COL14A1: variants seen among roughly 807,000 people sequenced by gnomAD.
The protein encoded by COL14A1 is collagen type XIV alpha 1 chain, also known as collagen alpha-1(XIV) chain.
A neutral mutation model predicts 230.3 loss-of-function variants in COL14A1; 136 were observed. The ratio of observed to expected loss-of-function variants is 0.59; its 90% CI spans 0.51 to 0.68. COL14A1 has a LOEUF of 0.68. Ranked by LOEUF, COL14A1 falls within the 30% of genes least tolerant of loss-of-function variation. The pLI, the probability that COL14A1 is intolerant of heterozygous loss-of-function variation, is 0.00. For synonymous variants in COL14A1, 792 were observed against 784.1 expected, an observed-to-expected ratio of 1.01 and a Z score of -0.17; for missense variants, 1,976 against 2,215.8, an observed-to-expected ratio of 0.89 and a Z score of 2.17.
intron 4 of COL14A1, among the ~76,000 whole-genome samples, chr8:120,167,114 A>G (rs1263888308): frequency 6.6e-6 from 1 of 152,006 alleles, no homozygotes; most frequent in African/African-American, 2.4e-5. Context: ...GCAGAAAGCC[A>G]AGGAAGGTTT....
intron 1 of COL14A1, among the ~76,000 whole-genome samples, chr8:120,138,711 A>G (rs1356657365): frequency 6.6e-6 from 1 of 152,158 alleles, no homozygotes; most frequent in African/African-American, 2.4e-5. Flanking sequence ...TAATCTTGAA[A>G]ATCCTTTTAT....
intron 47 of COL14A1, chr8:120,370,628 A>T (rs1411031510): frequency 6.9e-7 from 1 of 1,454,028 alleles, no homozygotes; most frequent in East Asian, 2.7e-5. Context: ...GTCAGCCTGG[A>T]TAGAGGTATA....
At position 120,196,736 on chromosome 8, in the gene COL14A1, T is replaced by C. The variant is rs1817050289; in HGVS notation, c.437-55T>C. 1.6e-5 allele frequency: 25 copies of C among 1,572,974 alleles called. 1 individual carries two copies. The South Asian group carries it at 2.8e-4, about 18-fold the overall frequency. ...GTCTAAAAGACATTAAGATGGACTG[T>C]TTTTGAAGTTGCTCTGACAGTAACA... is the stretch of plus-strand genomic sequence containing the variant. On this transcript the variant is annotated intron_variant, in intron 5 of 47. Coordinates refer to ENST00000297848, the MANE Select transcript of COL14A1 (RefSeq NM_021110.4).
intron 44 of COL14A1, among the ~76,000 whole-genome samples, chr8:120,344,410 G>A (rs1340386770): frequency 2.6e-5 from 4 of 152,218 alleles, no homozygotes; most frequent in Non-Finnish European, 2.9e-5. Flanking sequence ...GGGAAATTAT[G>A]CAAGGCCAAA....
At chr8:120,287,216 A>T (rs75371626) in intron 33 of COL14A1, among the ~76,000 whole-genome samples, 1,539 of 139,822 alleles carry the variant, frequency 0.011, 7 homozygotes, top group Non-Finnish European at 0.016. Context: ...AACAGTTGCT[A>T]AAAAAAAAAA....
At chr8:120,160,532 T>C (rs1815629266) in intron 3 of COL14A1, among the ~76,000 whole-genome samples, 1 of 152,200 alleles carries the variant, frequency 6.6e-6, no homozygotes, top group African/African-American at 2.4e-5. Flanking sequence ...TGTCTAGTTC[T>C]TGCTTAGACA....
In COL14A1 at chr8:120,345,308, C is replaced by T. The variant is rs879144194; in HGVS notation, c.4889-67C>T. ...AATTGTTTGCAGCCTTAACAAATGACACCCCTGGTCCTCTCTTTCCTTGTG... is the reference window on the plus strand; with the variant it reads ...AATTGTTTGCAGCCTTAACAAATGATACCCCTGGTCCTCTCTTTCCTTGTG... On this transcript the variant is annotated intron_variant, in intron 44 of 47. Transcript: ENST00000297848. 40 of 1,413,478 alleles carry T rather than the reference C, an allele frequency of 2.8e-5. No homozygotes were observed. In the South Asian group the frequency reaches 5.6e-4, roughly 20 times the overall value. 87.6% of individuals were successfully genotyped at this position (1,413,478 alleles called of 1,614,324 possible).
intron 44 of COL14A1, 103 bp downstream of exon 44, chr8:120,342,549 T>C: frequency 2.7e-6 from 3 of 1,104,250 alleles, no homozygotes; most frequent in East Asian, 4.9e-5. Flanking sequence ...CTCTAAAGCA[T>C]TGTCTTTGTG....
At chr8:120,292,946 A>G (rs917056628) in intron 34 of COL14A1, among the ~76,000 whole-genome samples, 2 of 152,098 alleles carry the variant, frequency 1.3e-5, no homozygotes, top group Non-Finnish European at 2.9e-5. Flanking sequence ...GCAAGATTGT[A>G]TAGGCAGTAA....
chr8:120,370,800 C>T (rs758727453), intron 47 of COL14A1: 1 of 1,377,534 alleles, frequency 7.3e-7, no homozygotes. Context: ...CACCTCCCCT[C>T]CCTGCTCTTC....
chr8:120,207,885 T>G (rs576492081), intron 10 of COL14A1, among the ~76,000 whole-genome samples: 53 of 152,276 alleles, frequency 3.5e-4, no homozygotes, highest in African/African-American at 1.2e-3. Context: ...GATTCTTTTA[T>G]TTTTCATGAC....
At chr8:120,263,565 T>C (rs1440594800) in intron 24 of COL14A1, among the ~76,000 whole-genome samples, 1 of 152,058 alleles carries the variant, frequency 6.6e-6, no homozygotes, top group African/African-American at 2.4e-5. Context: ...GCAAGGAGAG[T>C]GTCAACTTCT....
chr8:120,188,583 T>C (rs1007371308), intron 5 of COL14A1, among the ~76,000 whole-genome samples: 1 of 152,240 alleles, frequency 6.6e-6, no homozygotes, highest in African/African-American at 2.4e-5. Flanking sequence ...CAAGGCCATA[T>C]ATTGAGTGCT....
At chr8:120,125,624 G>A (rs2130354426) in intron 1 of COL14A1, among the ~76,000 whole-genome samples, 1 of 152,268 alleles carries the variant, frequency 6.6e-6, no homozygotes, top group East Asian at 1.9e-4. Flanking sequence ...TTTTCCCAGT[G>A]TTTGAGTGAC....
chr8:120,150,831 C>T (rs1040630722), intron 2 of COL14A1, among the ~76,000 whole-genome samples: 6 of 151,830 alleles, frequency 4.0e-5, no homozygotes, highest in South Asian at 2.1e-4. Context: ...AGATTATATT[C>T]GAATTGTATT....
intron 5 of COL14A1, among the ~76,000 whole-genome samples, chr8:120,183,782 G>A (rs1816553677): frequency 6.6e-6 from 1 of 152,196 alleles, no homozygotes; most frequent in African/African-American, 2.4e-5. Flanking sequence ...TAGGACAAAT[G>A]CGTACGGCTT....
At chr8:120,227,391 C>G (rs1818132513) in intron 17 of COL14A1, 39 bp downstream of exon 17, 5 of 1,611,200 alleles carry the variant, frequency 3.1e-6, no homozygotes, top group African/African-American at 2.7e-5. Flanking sequence ...TTAGCTGCTC[C>G]CACAATCCCT....
At chr8:120,198,727 G>T (rs1368619491) in intron 7 of COL14A1, among the ~76,000 whole-genome samples, 1 of 152,116 alleles carries the variant, frequency 6.6e-6, no homozygotes, top group Non-Finnish European at 1.5e-5. Context: ...AACCTGTATT[G>T]CCTGCCACAG....
At chr8:120,197,086 G>T in intron 6 of COL14A1, 140 bp downstream of exon 6, 1 of 680,548 alleles carries the variant, frequency 1.5e-6, no homozygotes. Context: ...TACATGTTTG[G>T]ATCAATAAAT....
Sources: gnomAD v4.1 joint callset for allele counts (sites outside exome capture counted in the v4.1 genomes callset) on GRCh38, gnomAD v4.1.1 for gene constraint, MANE v1.5 for transcripts, NCBI Gene and HGNC (gene_info 2026-07-23, HGNC 2026-07-21) for gene names.